Variants in PIWIL3 observed in about 807,000 individuals in gnomAD.
The protein encoded by PIWIL3 is piwi-like protein 3.
Under a neutral mutation model 109.7 loss-of-function variants are expected in PIWIL3, and 101 were observed. The ratio of observed to expected loss-of-function variants is 0.92; its 90% CI spans 0.78 to 1.09. The LOEUF (loss-of-function observed/expected upper bound fraction) is 1.09, where lower values mean the gene tolerates loss of function less well. PIWIL3 is among the 50% of genes least tolerant of loss of function. The pLI is 0.00. For synonymous variants in PIWIL3, 373 were observed against 376.4 expected (o/e 0.99, Z 0.10); for missense variants, 1,031 against 1,072.6 (o/e 0.96, Z 0.54).
intron 19 of PIWIL3, 27 bp downstream of exon 19, chr22:24,723,103 C>A: frequency 6.2e-7 from 1 of 1,604,162 alleles, no homozygotes; most frequent in Non-Finnish European, 8.5e-7. Context: ...ATCATAGAAC[C>A]ATGTGCAAAA....
Position 24,719,843 on chromosome 22 carries a change from T to G in PIWIL3, c.2410A>C (p.Thr804Pro). ...QSVQDGTVTP[T>P]HYNVIYDTIG... ...GTGTCATAGATGACGTTATAATGAGTGGGGGTAACAGTCCCATCTTGCACA... is the reference window on the plus strand; with the variant it reads ...GTGTCATAGATGACGTTATAATGAGGGGGGGTAACAGTCCCATCTTGCACA... Residue 804 changes from threonine (T) to proline (P), a missense_variant, in exon 20 of 21, where the codon ACT becomes CCT. Coordinates refer to ENST00000616349, the MANE Select transcript of PIWIL3 (RefSeq NM_001255975.1). The G allele has an allele frequency of 1.2e-6, 2 of 1,611,148 alleles. No homozygotes were observed. Among genetic ancestry groups the G allele is most frequent in the South Asian group, 2.2e-5 (2 of 91,024 alleles).
intron 2 of PIWIL3, chr22:24,761,981 T>C: frequency 1.0e-6 from 1 of 990,940 alleles, no homozygotes; most frequent in Non-Finnish European, 1.2e-6. Flanking sequence ...GAATGTAAAG[T>C]GGATATGCAG....
At chr22:24,721,667 T>C (rs1922682573) in intron 19 of PIWIL3, among the ~76,000 whole-genome samples, 1 of 152,266 alleles carries the variant, frequency 6.6e-6, no homozygotes, top group South Asian at 2.1e-4. Context: ...CCACTGATTT[T>C]TCTTCGTTTT....
intron 16 of PIWIL3, among the ~76,000 whole-genome samples, chr22:24,726,643 C>A (rs950701384): frequency 1.3e-5 from 2 of 152,182 alleles, no homozygotes; most frequent in African/African-American, 2.4e-5. Context: ...GCAGATTTTA[C>A]ACTATTAAAA....
At chr22:24,762,626 AAG>A (rs1925505897) in intron 1 of PIWIL3, 105 bp from the exon 2 acceptor site, 1 of 995,108 alleles carries the variant, frequency 1.0e-6, no homozygotes, top group Admixed American at 3.2e-5. Context: ...TTTATAAAGG[AAG>A]AGGTGTGTTT....
intron 12 of PIWIL3, among the ~76,000 whole-genome samples, chr22:24,741,624 AC>A (rs113434699): frequency 0.033 from 5,097 of 152,296 alleles, 302 homozygotes; most frequent in African/African-American, 0.12. Context: ...ATAAATAGAA[AC>A]ATAAGTTAAA....
At chr22:24,720,859 T>C (rs1244817817) in intron 19 of PIWIL3, among the ~76,000 whole-genome samples, 1 of 152,224 alleles carries the variant, frequency 6.6e-6, no homozygotes, top group Admixed American at 6.5e-5. Context: ...AGCAGCTTTA[T>C]CATTTTCCCT....
rs1256114430 is a variant in PIWIL3 at position 24,735,895 on chromosome 22, G to A, written c.1450-3C>T. ...TCTCCTTGTGAATTGGCTTTAACCT[G>A]GAAAAGAATTATAAGACATGGCATA... On this transcript the variant is annotated splice_region_variant and splice_polypyrimidine_tract_variant and intron_variant, in intron 12 of 20. Transcript: ENST00000616349. The A allele has an allele frequency of 7.6e-6, 12 of 1,587,418 alleles. No individual in the cohort carries two copies. The highest frequency in any genetic ancestry group is 1.2e-5 in the South Asian group (1 of 86,874).
Position 24,770,675 on chromosome 22 carries a change from A to C in PIWIL3, c.-23+3647T>G, listed in dbSNP as rs9608332. Among the ~76,000 whole-genome samples, 1,138 of 136,590 alleles carry C rather than the reference A, an allele frequency of 8.3e-3. 8 individuals are homozygous for C. The highest frequency in any genetic ancestry group is 0.014 in the Non-Finnish European group (873 of 62,440). The allele number at this position is 136,590 out of a possible 152,430, so 89.6% of individuals were successfully genotyped here. On this transcript the variant is annotated intron_variant, in intron 1 of 20. Coordinates refer to ENST00000616349, the MANE Select transcript of PIWIL3 (RefSeq NM_001255975.1). ...CCGTCTCTACTAAAAAAAAAAAAAA[A>C]AAAACAAAAATTAGCCGGGCATGGT...
Position 24,759,930 on chromosome 22 carries a change from C to T in PIWIL3, c.162G>A (p.Val54=). The change falls in exon 3 of 21, where the codon GTG becomes GTA. Residue 54 remains valine (V), a synonymous_variant. Transcript: ENST00000616349. ...CTGCTCTTGGCTGCAGAGGTCTAAC[C>T]ACTGGGACTTCCTCCTGCAGCGGCC... ...TPRPLQEEVP[V]VRPLQPRAAR... 6.2e-7 allele frequency: 1 copy of T among 1,614,156 alleles called. No individual in the cohort carries two copies. Among genetic ancestry groups the T allele is most frequent in the Non-Finnish European group, 8.5e-7 (1 of 1,180,024 alleles).
chr22:24,745,583 C>T (rs1015243653), intron 12 of PIWIL3, among the ~76,000 whole-genome samples: 4 of 151,262 alleles, frequency 2.6e-5, no homozygotes, highest in African/African-American at 9.7e-5. Flanking sequence ...AAAGCAAGAG[C>T]AAACCAAGCC....
At chr22:24,744,483 G>A (rs9624578) in intron 12 of PIWIL3, among the ~76,000 whole-genome samples, 1 of 152,110 alleles carries the variant, frequency 6.6e-6, no homozygotes, top group East Asian at 1.9e-4. Flanking sequence ...TGAGGCAGGA[G>A]AATCGCTTGA....
In PIWIL3 at chr22:24,756,518, TAAAG is replaced by T; in HGVS notation, c.539_542del (p.Ser180TyrfsTer7). 7 of 1,613,998 alleles carry T rather than the reference TAAAG, an allele frequency of 4.3e-6. No individual in the cohort carries two copies. Among genetic ancestry groups the T allele is most frequent in the Non-Finnish European group, 5.9e-6 (7 of 1,179,920 alleles). On this transcript the variant is annotated frameshift_variant, in exon 5 of 21. Transcript: ENST00000616349. LOFTEE classifies it high-confidence loss of function. ...GCTCTTTTAGTGGCCGAGATAATAATAAAGAGTTTCCATCAAATATATGGCGCTC... is the reference window on the plus strand; with the variant it reads ...GCTCTTTTAGTGGCCGAGATAATAATAGTTTCCATCAAATATATGGCGCTC...
intron 7 of PIWIL3, 80 bp from the exon 8 acceptor site, chr22:24,754,297 A>C (rs2147703743): frequency 8.1e-7 from 1 of 1,229,444 alleles, no homozygotes; most frequent in African/African-American, 1.5e-5. Flanking sequence ...TCTGGGTCTA[A>C]AAATTGGTAC....
At chr22:24,765,335 C>CA (rs891151336) in intron 1 of PIWIL3, among the ~76,000 whole-genome samples, 27 of 152,132 alleles carry the variant, frequency 1.8e-4, no homozygotes, top group African/African-American at 6.5e-4. Context: ...TTAAGTAGAA[C>CA]AAAAAAACCA....
Position 24,749,402 on chromosome 22 carries a change from ACT to A in PIWIL3, c.1334_1334+1del. 6.2e-7 allele frequency: 1 copy of A among 1,613,320 alleles called. No homozygotes were observed. The highest frequency in any genetic ancestry group is 8.5e-7 in the Non-Finnish European group (1 of 1,179,790). ...ACACTCAGCCAGAAAAGCAGCACTT[ACT>A]CTTGTAGAGTATTGATGAATTCTTT... On this transcript the variant is annotated splice_donor_variant and coding_sequence_variant, in exon 11 of 21. Transcript: ENST00000616349. LOFTEE classifies it high-confidence loss of function.
chr22:24,735,983 T>G, intron 12 of PIWIL3, 91 bp from the exon 13 acceptor site: 7 of 1,038,854 alleles, frequency 6.7e-6, no homozygotes, highest in South Asian at 2.0e-5. Context: ...TGCTATCTCC[T>G]ATAGAAATGT....
chr22:24,730,674 G>A (rs1200754962), intron 14 of PIWIL3, among the ~76,000 whole-genome samples: 1 of 151,972 alleles, frequency 6.6e-6, no homozygotes, highest in Non-Finnish European at 1.5e-5. Context: ...TAAAATATAA[G>A]ATTAAAAGGA....
At chr22:24,744,178 T>G (rs59802203) in intron 12 of PIWIL3, among the ~76,000 whole-genome samples, 8,991 of 34,210 alleles carry the variant, frequency 0.26, 1,758 homozygotes, top group African/African-American at 0.44. Context: ...GTGACCGAAT[T>G]AAAAAAAAAA....
Sources: allele counts gnomAD v4.1 joint callset (sites outside exome capture counted in the v4.1 genomes callset), GRCh38; gene constraint gnomAD v4.1.1; transcripts MANE v1.5; gene names NCBI Gene and HGNC (gene_info 2026-07-23, HGNC 2026-07-21).